Variants in MYH14 observed in about 807,000 individuals in gnomAD.
The protein encoded by MYH14 is myosin-14.
Under a neutral mutation model 255.5 loss-of-function variants are expected in MYH14, and 123 were observed. The ratio of observed to expected loss-of-function variants is 0.48; its 90% CI spans 0.42 to 0.56. MYH14 has a LOEUF of 0.56. Among genes scored for constraint, MYH14 ranks in the 20% least tolerant of loss-of-function variants. The pLI is 0.00. For missense variants in MYH14, 2,423 were observed against 2,802.3 expected, an observed-to-expected ratio of 0.86 and a Z score of 3.06; for synonymous variants, 1,095 against 1,161.2, an observed-to-expected ratio of 0.94 and a Z score of 1.16.
intron 16 of MYH14, 95 bp from the exon 17 acceptor site, chr19:50,255,125 C>T: frequency 1.3e-6 from 1 of 779,642 alleles, no homozygotes; most frequent in Non-Finnish European, 2.2e-6. Context: ...TTCTTCCTGC[C>T]ACCTCCTCTC....
chr19:50,251,490 T>C (rs867127603), intron 15 of MYH14, among the ~76,000 whole-genome samples: 1 of 130,808 alleles, frequency 7.6e-6, no homozygotes, highest in South Asian at 2.4e-4. Context: ...TATACACACA[T>C]ATATATATAC....
At chr19:50,304,412 A>G (rs2036589548) in intron 40 of MYH14, among the ~76,000 whole-genome samples, 1 of 152,244 alleles carries the variant, frequency 6.6e-6, no homozygotes, top group South Asian at 2.1e-4. Flanking sequence ...CAACCTGATG[A>G]AACCCCGTCT....
intron 1 of MYH14, among the ~76,000 whole-genome samples, 164 bp from the exon 2 acceptor site, chr19:50,210,199 G>T (rs1467568160): frequency 2.0e-5 from 3 of 148,690 alleles, no homozygotes; most frequent in Non-Finnish European, 4.5e-5. Flanking sequence ...AGAGGTGAAT[G>T]AATGAAATGA....
intron 10 of MYH14, among the ~76,000 whole-genome samples, chr19:50,232,593 C>CAAA (rs532232129): frequency 6.4e-4 from 41 of 63,622 alleles, no homozygotes; most frequent in African/African-American, 7.9e-4. Context: ...GACTCTGTCT[C>CAAA]AAAAAAAAAA....
intron 39 of MYH14, among the ~76,000 whole-genome samples, chr19:50,300,349 T>A (rs1438889996): frequency 1.3e-5 from 2 of 152,204 alleles, no homozygotes; most frequent in Admixed American, 6.5e-5. Flanking sequence ...TCCCATAATG[T>A]TCTTGGTTGA....
chr19:50,286,350 C>G, intron 33 of MYH14, 132 bp from the exon 34 acceptor site: 3 of 896,738 alleles, frequency 3.3e-6, no homozygotes, highest in South Asian at 1.8e-5. Context: ...CTCTACCTCC[C>G]TCTTGTGTCT....
rs556941669 is a variant in MYH14, at chr19:50,304,701, G to A, written c.5679-2348G>A. Among the ~76,000 whole-genome samples, 3 of 152,284 alleles carry A rather than the reference G, an allele frequency of 2.0e-5. No individual in the cohort carries two copies. The South Asian group carries it at 6.2e-4, about 32-fold the overall frequency. ...CCATGGTATGTCTAATACCATGTCT[G>A]GTGGGATTCCCCAAGGTGAAAGACT... On this transcript the variant is annotated intron_variant, in intron 40 of 42. Coordinates refer to ENST00000642316, the MANE Select transcript of MYH14 (RefSeq NM_001145809.2).
intron 22 of MYH14, among the ~76,000 whole-genome samples, chr19:50,265,389 T>C (rs993122213): frequency 6.7e-6 from 1 of 149,966 alleles, no homozygotes; most frequent in Non-Finnish European, 1.5e-5. Context: ...GGTGTAGTGG[T>C]GCACACCTGT....
rs1385999090 is a variant in MYH14 at position 50,277,997 on chromosome 19, C to G, written c.3826-86C>G. The G allele has an allele frequency of 2.2e-5, 22 of 998,906 alleles. 1 individual carries two copies. The highest frequency in any genetic ancestry group is 3.2e-5 in the Admixed American group (1 of 31,434). The allele number at this position is 998,906 out of a possible 1,614,324, so 61.9% of individuals were successfully genotyped here. On this transcript the variant is annotated intron_variant, in intron 29 of 42. Transcript: ENST00000642316. ...GTGTGTTCCAGGCAGAGGGAACAGC[C>G]AGTGCAAAGGCCCTGAGATGGGAGT... is the stretch of plus-strand genomic sequence containing the variant.
At chr19:50,258,740 A>AAAC (rs2034696504) in intron 18 of MYH14, 1 of 155,680 alleles carries the variant, frequency 6.4e-6, no homozygotes, top group Admixed American at 6.4e-5. Context: ...AAAAAAAAAA[A>AAAC]AAAACGAACA....
chr19:50,301,966 C>A, intron 40 of MYH14, 97 bp downstream of exon 40: 1 of 977,798 alleles, frequency 1.0e-6, no homozygotes, highest in Non-Finnish European at 1.5e-6. Flanking sequence ...TTAGAAACAT[C>A]CAAAAGACAT....
At chr19:50,270,109 C>T (rs2035238402) in intron 24 of MYH14, among the ~76,000 whole-genome samples, 1 of 152,184 alleles carries the variant, frequency 6.6e-6, no homozygotes, top group African/African-American at 2.4e-5. Context: ...TGTTGTCACA[C>T]TACCCACGAG....
intron 24 of MYH14, among the ~76,000 whole-genome samples, chr19:50,269,447 G>A (rs898003757): frequency 5.3e-5 from 8 of 152,170 alleles, no homozygotes; most frequent in Admixed American, 1.3e-4. Context: ...CTTCCAAGGT[G>A]CTGGGATTAC....
intron 8 of MYH14, among the ~76,000 whole-genome samples, chr19:50,229,764 T>C (rs2033283193): frequency 2.0e-5 from 3 of 152,170 alleles, no homozygotes; most frequent in Admixed American, 6.6e-5. Context: ...AGGTGGGAGC[T>C]GATTATCTGC....
intron 16 of MYH14, among the ~76,000 whole-genome samples, chr19:50,254,533 G>A (rs1335541927): frequency 3.9e-5 from 6 of 152,194 alleles, no homozygotes; most frequent in Non-Finnish European, 7.3e-5. Context: ...CACACTCTGT[G>A]TGTGCCTGAC....
intron 21 of MYH14, among the ~76,000 whole-genome samples, chr19:50,262,179 C>T (rs982541827): frequency 6.6e-6 from 1 of 152,116 alleles, no homozygotes; most frequent in African/African-American, 2.4e-5. Context: ...CAGGAGCAAG[C>T]TTGTGCAAAG....
chr19:50,266,903 G>A lies in MYH14; in HGVS notation c.2721G>A (p.Arg907=), dbSNP rs1428073232. 1 of 1,552,102 alleles carries A rather than the reference G, an allele frequency of 6.4e-7. No individual in the cohort carries two copies. The highest frequency in any genetic ancestry group is 1.2e-5 in the South Asian group (1 of 84,092). The change falls in exon 23 of 43, where the codon CGG becomes CGA. Residue 907 remains arginine (R), a synonymous_variant. Coordinates refer to ENST00000642316, the MANE Select transcript of MYH14 (RefSeq NM_001145809.2). The surrounding 1 kb of genome is among the most constrained non-coding windows in gnomAD (Gnocchi z 4.1). ...TKVKPLLQVT[R]QDEVLQARAQ... ...TGAAGCCACTGCTGCAGGTGACGCGGCAGGATGAGGTGCTGCAGGCACGGG... is the reference window on the plus strand; with the variant it reads ...TGAAGCCACTGCTGCAGGTGACGCGACAGGATGAGGTGCTGCAGGCACGGG...
Position 50,307,069 on chromosome 19 carries a change from A to G in MYH14, c.5699A>G (p.Lys1900Arg). 2 of 1,551,048 alleles carry G rather than the reference A, an allele frequency of 1.3e-6. No individual in the cohort carries two copies. Among genetic ancestry groups the G allele is most frequent in the African/African-American group, 2.7e-5 (2 of 73,156 alleles). ...QETRERILSG[K>R]LVRRAEKRLK... ...TTCAGAGAGCGCATCCTCTCTGGAA[A>G]GCTGGTGCGCAGAGCTGAGAAGCGG... The change falls in exon 41 of 43, where the codon AAG (lysine) becomes AGG (arginine). Residue 1900 changes from lysine (K) to arginine (R), a missense_variant. This residue lies in a region of MYH14 where 1,513 missense variants were observed against 1,674.8 expected (regional missense o/e 0.90). Transcript: ENST00000642316.
At position 50,252,860 on chromosome 19, in the gene MYH14, T is replaced by C; in HGVS notation, c.1945+107T>C. On this transcript the variant is annotated intron_variant, in intron 16 of 42. Transcript: ENST00000642316. This position sits in a 1 kb window ranked among gnomAD's most constrained non-coding sequence, Gnocchi z 4.2. ...AGAGGCGGAGGTCTGAACCTGAGTT[T>C]TCTGCTCAGACCCAGAATAGCCAGT... The C allele has an allele frequency of 1.4e-6, 1 of 719,722 alleles. No homozygotes were observed. The highest frequency in any genetic ancestry group is 2.3e-6 in the Non-Finnish European group (1 of 431,714). The allele number at this position is 719,722 out of a possible 1,614,324, so 44.6% of individuals were successfully genotyped here. A position where few individuals can be genotyped will look rare whatever the true frequency, so the allele number is the denominator to read the frequency against.
Sources: allele counts gnomAD v4.1 joint callset (sites outside exome capture counted in the v4.1 genomes callset), GRCh38; gene constraint gnomAD v4.1.1; regional missense constraint gnomAD v4.1.1; non-coding constraint Gnocchi (gnomAD v3.1); transcripts MANE v1.5; gene names NCBI Gene and HGNC (gene_info 2026-07-23, HGNC 2026-07-21).